MYH3: variants seen among roughly 807,000 people sequenced by gnomAD.
MYH3 encodes myosin-3.
A neutral mutation model predicts 238.0 loss-of-function variants in MYH3; 130 were observed. That is an observed-to-expected ratio of 0.55 (90% confidence interval 0.47 to 0.63). The LOEUF is 0.63. MYH3 is among the 30% of genes least tolerant of loss of function. MYH3 has a pLI of 0.00. For synonymous variants in MYH3, 880 were observed against 924.1 expected (o/e 0.95, Z 0.86); for missense variants, 1,853 against 2,374.9 (o/e 0.78, Z 4.57).
intron 3 of MYH3, among the ~76,000 whole-genome samples, chr17:10,653,981 C>T (rs752146918): frequency 4.0e-5 from 6 of 151,806 alleles, no homozygotes; most frequent in African/African-American, 7.3e-5. Flanking sequence ...TTGGGGGGAC[C>T]GAGTCTTGCT....
intron 3 of MYH3, among the ~76,000 whole-genome samples, chr17:10,653,593 C>T (rs2074399658): frequency 6.6e-6 from 1 of 152,168 alleles, no homozygotes; most frequent in East Asian, 1.9e-4. Flanking sequence ...AACCCCCACA[C>T]CCTCGGGAAG....
rs1277175145 is a variant in MYH3, at chr17:10,655,028, C to G, written c.37G>C (p.Ala13Pro). The G allele has an allele frequency of 6.2e-7, 1 of 1,614,242 alleles. No individual in the cohort carries two copies. Among genetic ancestry groups the G allele is most frequent in the Non-Finnish European group, 8.5e-7 (1 of 1,180,056 alleles). Residue 13 changes from alanine to proline, a missense_variant, in exon 3 of 41, where the codon GCT becomes CCT. Ala to Pro is a conservative substitution (Grantham distance 27). This residue lies in a region of MYH3 where 131 missense variants were observed against 123.5 expected (regional missense o/e 1.06). Coordinates refer to ENST00000583535, the MANE Select transcript of MYH3 (RefSeq NM_002470.4). ...SDTEMEVFGI[A>P]APFLRKSEKE... ...TCTGACTTCCGGAGGAAAGGAGCAG[C>G]TATGCCGAACACTTCCATTTCAGTG...
chr17:10,668,545 G>A, the MYH3 span, among the ~76,000 whole-genome samples: 1 of 152,128 alleles, frequency 6.6e-6, no homozygotes, highest in East Asian at 1.9e-4. Flanking sequence ...AGGAAAAAAA[G>A]AACAATCTGA....
rs919951803 is a variant in MYH3, at chr17:10,653,461, C to A, written c.205-898G>T. 3.9e-5 allele frequency among the ~76,000 whole-genome samples: 6 copies of A among 152,094 alleles called. No homozygotes were observed. The East Asian group carries it at 1.2e-3, about 29-fold the overall frequency. On this transcript the variant is annotated intron_variant, in intron 3 of 40. Coordinates refer to ENST00000583535, the MANE Select transcript of MYH3 (RefSeq NM_002470.4). ...AGCCCCAGCATGCTCAGGAAAGGGC[C>A]CCTCAGTTGCCCTCCCCACCCCTTT... is the stretch of plus-strand genomic sequence containing the variant.
chr17:10,660,183 G>A (rs575484075), upstream of MYH3, among the ~76,000 whole-genome samples: 15 of 152,346 alleles, frequency 9.8e-5, no homozygotes, highest in African/African-American at 3.6e-4. Flanking sequence ...TGCATTCAGC[G>A]GGATATCCCA....
At chr17:10,662,922 G>A in the MYH3 span, among the ~76,000 whole-genome samples, 2 of 151,914 alleles carry the variant, frequency 1.3e-5, no homozygotes, top group East Asian at 3.9e-4. Context: ...CCCTGTATCT[G>A]CTAAAAACAC....
In MYH3 at chr17:10,632,730, G is replaced by A; in HGVS notation, c.4702C>T (p.Gln1568Ter). The A allele has an allele frequency of 6.2e-7, 1 of 1,614,130 alleles. No homozygotes were observed. Among genetic ancestry groups the A allele is most frequent in the South Asian group, 1.1e-5 (1 of 91,078 alleles). Residue 1568 changes from glutamine (Q) to a stop codon, truncating the protein, a stop_gained, in exon 34 of 41, where the codon CAA (glutamine) becomes TAA (stop). Transcript: ENST00000583535. LOFTEE classifies it high-confidence loss of function. ...KILRIQLELT[Q>*]VKSEIDRKIA... ...TTTCTATCAATTTCTGATTTCACTT[G>A]TGTCAATTCAAGCTGGATTCGGAGG...
chr17:10,640,740 G>T, intron 19 of MYH3, 54 bp from the exon 20 acceptor site: 1 of 1,595,986 alleles, frequency 6.3e-7, no homozygotes, highest in South Asian at 1.1e-5. Context: ...CACAAACCTT[G>T]GAGAACATGT....
rs748436283 is a variant in MYH3 at position 10,655,044 on chromosome 17, C to T, written c.21G>A (p.Met7Ile). The change falls in exon 3 of 41, where the codon ATG becomes ATA. Residue 7 changes from methionine (M) to isoleucine (I), a missense_variant. Physicochemically the swap from Met to Ile is conservative, Grantham distance 10. Transcript: ENST00000583535. The stretch of plus-strand genomic sequence containing the variant: ...AAGGAGCAGCTATGCCGAACACTTC[C>T]ATTTCAGTGTCACTACTCATGGTGT... Reference protein sequence around the residue: MSSDTEMEVFGIAAPFL... With the variant: MSSDTEIEVFGIAAPFL... The T allele has an allele frequency of 2.3e-5, 37 of 1,614,072 alleles. No individual in the cohort carries two copies. The highest frequency in any genetic ancestry group is 1.6e-4 in the Middle Eastern group (1 of 6,078).
the MYH3 span, among the ~76,000 whole-genome samples, chr17:10,665,929 T>C: frequency 2.6e-5 from 4 of 152,226 alleles, no homozygotes; most frequent in Middle Eastern, 3.4e-3. Flanking sequence ...CGGAACAGCA[T>C]AGAGAGTCCA....
At chr17:10,649,855 A>C (rs187721782) in intron 6 of MYH3, among the ~76,000 whole-genome samples, 170 bp from the exon 7 acceptor site, 321 of 152,362 alleles carry the variant, frequency 2.1e-3, no homozygotes, top group Non-Finnish European at 3.6e-3. Flanking sequence ...CACAGGTGCC[A>C]CAGGCACTTG....
At position 10,642,445 on chromosome 17, in the gene MYH3, G is replaced by A; in HGVS notation, c.1860C>T (p.His620=). 1 of 1,614,194 alleles carries A rather than the reference G, an allele frequency of 6.2e-7. No homozygotes were observed. The highest frequency in any genetic ancestry group is 8.5e-7 in the Non-Finnish European group (1 of 1,180,028). ...CCGCCGTGGCAAACGTGGCATAGAG[G>A]TGTGCCAGGAGCCTGTTGGAAGACT... The part of the protein sequence containing the change: ...YQKSSNRLLA[H]LYATFATADA... The change falls in exon 16 of 41, where the codon CAC becomes CAT. Residue 620 remains histidine (H), a synonymous_variant. Coordinates refer to ENST00000583535, the MANE Select transcript of MYH3 (RefSeq NM_002470.4). This position sits in a 1 kb window ranked among gnomAD's most constrained non-coding sequence, Gnocchi z 5.4.
At chr17:10,661,615 G>A (rs900446660), upstream of MYH3, among the ~76,000 whole-genome samples, 1 of 152,144 alleles carries the variant, frequency 6.6e-6, no homozygotes, top group African/African-American at 2.4e-5. Context: ...CAATGAATCA[G>A]GTGGCTGCCC....
the MYH3 span, among the ~76,000 whole-genome samples, chr17:10,671,189 G>A: frequency 5.7e-4 from 87 of 152,154 alleles, no homozygotes; most frequent in Non-Finnish European, 1.0e-3. Context: ...CACCATGCCC[G>A]GCCTCTGCTG....
chr17:10,650,514 TTTTTG>T, intron 5 of MYH3, 113 bp from the exon 6 acceptor site: 1 of 999,910 alleles, frequency 1.0e-6, no homozygotes, highest in East Asian at 2.6e-5. Context: ...TCCTTTACAT[TTTTTG>T]TTTAGCCTTT....
At chr17:10,655,686 C>A (rs778926897) in intron 2 of MYH3, among the ~76,000 whole-genome samples, 3 of 151,964 alleles carry the variant, frequency 2.0e-5, no homozygotes, top group Non-Finnish European at 4.4e-5. Context: ...TGGAGTCTCA[C>A]TCTGTCACAG....
chr17:10,636,909 C>CT (rs2074221244), intron 28 of MYH3, among the ~76,000 whole-genome samples: 1 of 150,212 alleles, frequency 6.7e-6, no homozygotes, highest in African/African-American at 2.5e-5. Context: ...GAGTGAGACT[C>CT]TGTCTAAAAA....
At chr17:10,651,362 T>C in intron 5 of MYH3, 150 bp downstream of exon 5, 4 of 1,416,874 alleles carry the variant, frequency 2.8e-6, no homozygotes, top group Non-Finnish European at 4.0e-6. Context: ...CCCTACATGA[T>C]GCAGCCCCTT....
intron 4 of MYH3, chr17:10,652,185 C>A: frequency 1.7e-6 from 1 of 603,238 alleles, no homozygotes; most frequent in Admixed American, 2.3e-5. Context: ...CGTGACCAAG[C>A]CTGGCCCCAG....
Sources: allele counts gnomAD v4.1 joint callset (sites outside exome capture counted in the v4.1 genomes callset), GRCh38; gene constraint gnomAD v4.1.1; regional missense constraint gnomAD v4.1.1; non-coding constraint Gnocchi (gnomAD v3.1); transcripts MANE v1.5; gene names NCBI Gene and HGNC (gene_info 2026-07-23, HGNC 2026-07-21).